Variants in CACNA1I observed in about 807,000 individuals in gnomAD.
CACNA1I encodes the protein calcium voltage-gated channel subunit alpha1 I.
A neutral mutation model predicts 201.6 loss-of-function variants in CACNA1I; 74 were observed. That is an observed-to-expected ratio of 0.37 (90% CI 0.30 to 0.45). The LOEUF (loss-of-function observed/expected upper bound fraction) is 0.45, where lower values mean the gene tolerates loss of function less well. CACNA1I is among the 20% of genes least tolerant of loss of function. The pLI is 1.00. For missense variants in CACNA1I, 2,346 were observed against 3,138.1 expected (o/e 0.75, Z 6.03); for synonymous variants, 1,431 against 1,345.2 (o/e 1.06, Z -1.40).
chr22:39,642,397 C>T (rs8138437), intron 6 of CACNA1I, among the ~76,000 whole-genome samples: 16,027 of 152,040 alleles, frequency 0.11, 1,104 homozygotes, highest in Non-Finnish European at 0.16. Flanking sequence ...CAGGCTCCAC[C>T]GAGCTGCACC....
chr22:39,663,576 G>C, intron 18 of CACNA1I, 142 bp from the exon 19 acceptor site: 7 of 950,666 alleles, frequency 7.4e-6, no homozygotes, highest in Admixed American at 5.4e-5. Context: ...CAGGTGTAGA[G>C]TCGGCACCTG....
At chr22:39,601,519 G>A (rs117192145) in intron 3 of CACNA1I, among the ~76,000 whole-genome samples, 1 of 152,164 alleles carries the variant, frequency 6.6e-6, no homozygotes, top group Non-Finnish European at 1.5e-5. Context: ...CCAAGAGTGG[G>A]TCATTATTAG....
Position 39,679,254 on chromosome 22 carries a change from G to A in CACNA1I, c.5203G>A (p.Asp1735Asn). ...GGCTGTGCTCATGAAGCACCTGGACGACAGCAACAAGGAGGCGCAGGAGGA... is the reference window on the plus strand; with the variant it reads ...GGCTGTGCTCATGAAGCACCTGGACAACAGCAACAAGGAGGCGCAGGAGGA... The part of the protein sequence containing the change: ...VVAVLMKHLD[D>N]SNKEAQEDAE... The change falls in exon 32 of 37, where the codon GAC (aspartate) becomes AAC (asparagine). Residue 1735 changes from aspartate to asparagine, a missense_variant. Physicochemically the swap from Asp to Asn is conservative, Grantham distance 23. Around this residue, in one of 13 missense-constraint regions of CACNA1I, gnomAD observed 64 missense variants for 131.8 expected, o/e 0.49. Coordinates refer to ENST00000402142, the MANE Select transcript of CACNA1I (RefSeq NM_021096.4). The A allele has an allele frequency of 1.9e-6, 3 of 1,590,136 alleles. No homozygotes were observed. The highest frequency in any genetic ancestry group is 1.2e-5 in the South Asian group (1 of 86,882).
chr22:39,618,760 C>T (rs143213785), intron 3 of CACNA1I, among the ~76,000 whole-genome samples: 91 of 152,044 alleles, frequency 6.0e-4, no homozygotes, highest in Admixed American at 7.9e-4. Context: ...AAATGCAGGC[C>T]GGGCCCATCT....
chr22:39,623,204 GGT>G (rs1173472228), intron 4 of CACNA1I, among the ~76,000 whole-genome samples: 3 of 150,480 alleles, frequency 2.0e-5, no homozygotes, highest in Admixed American at 6.6e-5. Flanking sequence ...TGGGTGTGAG[GGT>G]GTGTGTCCAC....
chr22:39,670,355 C>A, intron 25 of CACNA1I, 125 bp downstream of exon 25: 1 of 952,688 alleles, frequency 1.0e-6, no homozygotes, highest in Non-Finnish European at 1.5e-6. Flanking sequence ...GTGCCCAGGG[C>A]TCAGCCACTT....
intron 1 of CACNA1I, among the ~76,000 whole-genome samples, chr22:39,575,886 C>T (rs747216188): frequency 2.6e-5 from 4 of 151,972 alleles, no homozygotes; most frequent in Non-Finnish European, 5.9e-5. Flanking sequence ...GTGATTCTCC[C>T]ACCTCAGCCT....
At chr22:39,619,618 C>T (rs1933668018) in intron 4 of CACNA1I, among the ~76,000 whole-genome samples, 1 of 152,162 alleles carries the variant, frequency 6.6e-6, no homozygotes, top group Non-Finnish European at 1.5e-5. Flanking sequence ...AAGACACTGG[C>T]AGGTGGTCCC....
chr22:39,658,082 T>C (rs1934882840), intron 10 of CACNA1I, 70 bp from the exon 11 acceptor site: 2 of 1,525,814 alleles, frequency 1.3e-6, no homozygotes, highest in African/African-American at 2.7e-5. Flanking sequence ...CCAGGGTGGG[T>C]GTCCAGAGGG....
chr22:39,608,925 A>G (rs562999281), intron 3 of CACNA1I, among the ~76,000 whole-genome samples: 1 of 152,334 alleles, frequency 6.6e-6, no homozygotes, highest in East Asian at 1.9e-4. Flanking sequence ...CTCTTGGGAA[A>G]CAAAAAGCCA....
At chr22:39,678,246 G>A in intron 31 of CACNA1I, 138 bp downstream of exon 31, 1 of 1,025,074 alleles carries the variant, frequency 9.8e-7, no homozygotes, top group Non-Finnish European at 1.4e-6. Context: ...AGGAGTGGAG[G>A]GGCCTGCCCA....
In CACNA1I at chr22:39,629,217, C is replaced by T. The variant is rs566402828; in HGVS notation, c.581-5348C>T. On this transcript the variant is annotated intron_variant, in intron 4 of 36. Transcript: ENST00000402142. The surrounding 1 kb of genome is among the most constrained non-coding windows in gnomAD (Gnocchi z 4.8). ...CCTCACCCTGGTGCTCCACATGACG[C>T]TCCCGGGCCAGACTGTTCTCCCCTG... Among the ~76,000 whole-genome samples the T allele has an allele frequency of 1.1e-4, 17 of 152,292 alleles. No homozygotes were observed. The highest frequency in any genetic ancestry group is 4.1e-4 in the African/African-American group (17 of 41,550).
At chr22:39,572,976 CG>C (rs535711527) in intron 1 of CACNA1I, among the ~76,000 whole-genome samples, 41 of 152,132 alleles carry the variant, frequency 2.7e-4, no homozygotes, top group African/African-American at 9.6e-4. Context: ...AGGCTGGTCT[CG>C]AACTCCTGAC....
At chr22:39,591,196 G>A (rs576880535) in intron 1 of CACNA1I, among the ~76,000 whole-genome samples, 50 of 141,324 alleles carry the variant, frequency 3.5e-4, no homozygotes, top group African/African-American at 1.2e-3. Flanking sequence ...TTTCACTCTC[G>A]TTGCCCAGGC....
intron 4 of CACNA1I, among the ~76,000 whole-genome samples, chr22:39,631,095 G>T (rs1333835139): frequency 6.6e-6 from 1 of 152,220 alleles, no homozygotes; most frequent in Admixed American, 6.5e-5. Context: ...TCTGACTTCA[G>T]GGAATCTTCC....
chr22:39,659,694 C>A lies in CACNA1I; in HGVS notation c.2449-3C>A, dbSNP rs771362620. ...CCCAGGGCTAACTGTGTCTCCCCAA[C>A]AGATCCTCACCCAGGAGGACTGGAA... On this transcript the variant is annotated splice_region_variant and splice_polypyrimidine_tract_variant and intron_variant, in intron 13 of 36. Coordinates refer to ENST00000402142, the MANE Select transcript of CACNA1I (RefSeq NM_021096.4). The surrounding 1 kb of genome is among the most constrained non-coding windows in gnomAD (Gnocchi z 4.3). 6.2e-7 allele frequency: 1 copy of A among 1,613,848 alleles called. No individual in the cohort carries two copies. The highest frequency in any genetic ancestry group is 8.5e-7 in the Non-Finnish European group (1 of 1,179,832).
chr22:39,576,647 G>A (rs766417013), intron 1 of CACNA1I, among the ~76,000 whole-genome samples: 3 of 152,196 alleles, frequency 2.0e-5, no homozygotes, highest in Admixed American at 1.3e-4. Flanking sequence ...CTCTCTGCTC[G>A]GGAAAGGGGA....
chr22:39,661,183 G>A lies in CACNA1I; in HGVS notation c.2774G>A (p.Gly925Asp), dbSNP rs746795229. The change falls in exon 16 of 37, where the codon GGT (glycine) becomes GAT (aspartate). Residue 925 changes from glycine to aspartate, a missense_variant. Coordinates refer to ENST00000402142, the MANE Select transcript of CACNA1I (RefSeq NM_021096.4). ...DPSLPLGGHL[G>D]PAGAAGPAPR... ...AGTCTCCCACTGGGTGGGCACCTAG[G>A]TCCTGCTGGGGCTGCGGGACCTGCC... 6.2e-6 allele frequency: 10 copies of A among 1,612,940 alleles called. No individual in the cohort carries two copies. In the South Asian group the frequency reaches 1.1e-4, roughly 18 times the overall value.
chr22:39,670,217 G>A lies in CACNA1I; in HGVS notation c.4374G>A (p.Glu1458=). 6.2e-7 allele frequency: 1 copy of A among 1,612,728 alleles called. No homozygotes were observed. The highest frequency in any genetic ancestry group is 8.5e-7 in the Non-Finnish European group (1 of 1,179,810). The change falls in exon 25 of 37, where the codon GAG becomes GAA. Residue 1458 remains glutamate, a synonymous_variant. Coordinates refer to ENST00000402142, the MANE Select transcript of CACNA1I (RefSeq NM_021096.4). Reference sequence around the variant, plus strand: ...AGGAGAAGCGGCTGCGGCGCCTGGAGAAGAAGCGCCGGAGTGAGTGGGTGC... The same window carrying A: ...AGGAGAAGCGGCTGCGGCGCCTGGAAAAGAAGCGCCGGAGTGAGTGGGTGC... ...RREEKRLRRL[E]KKRRKAQRLP...
Sources: gnomAD v4.1 joint callset for allele counts (sites outside exome capture counted in the v4.1 genomes callset) on GRCh38, gnomAD v4.1.1 for gene constraint, gnomAD v4.1.1 regional missense constraint, Gnocchi (gnomAD v3.1) non-coding constraint, MANE v1.5 for transcripts, NCBI Gene and HGNC (gene_info 2026-07-23, HGNC 2026-07-21) for gene names.